Variants in NDUFS4 observed in about 807,000 individuals in gnomAD.
The protein encoded by NDUFS4 is NADH dehydrogenase [ubiquinone] iron-sulfur protein 4, mitochondrial.
Under a neutral mutation model 24.3 loss-of-function variants are expected in NDUFS4, and 28 were observed. That is an observed-to-expected ratio of 1.15 (90% CI 0.85 to 1.58). The LOEUF is 1.58. NDUFS4 is among the 40% of genes most tolerant of loss of function. NDUFS4 has a pLI of 0.00. For missense variants in NDUFS4, 223 were observed against 207.9 expected (o/e 1.07, Z -0.45); for synonymous variants, 93 against 69.7 (o/e 1.34, Z -1.67).
intron 2 of NDUFS4, among the ~76,000 whole-genome samples, chr5:53,615,129 T>G (rs1750804178): frequency 6.6e-6 from 1 of 151,966 alleles, no homozygotes; most frequent in Non-Finnish European, 1.5e-5. Flanking sequence ...TTGGGTTTTT[T>G]GTTTTGTTTT....
intron 2 of NDUFS4, among the ~76,000 whole-genome samples, chr5:53,621,265 C>T (rs542560677): frequency 6.6e-6 from 1 of 152,072 alleles, no homozygotes; most frequent in African/African-American, 2.4e-5. Context: ...CCTCAGTTTT[C>T]TTATTCTTAG....
At chr5:53,581,766 C>T (rs1749574252) in intron 1 of NDUFS4, among the ~76,000 whole-genome samples, 1 of 152,100 alleles carries the variant, frequency 6.6e-6, no homozygotes, top group African/African-American at 2.4e-5. Context: ...TCTCTTACCT[C>T]ATCATGTTTT....
At chr5:53,603,595 T>C (rs963118375) in intron 2 of NDUFS4, 65 bp downstream of exon 2, 4 of 1,250,474 alleles carry the variant, frequency 3.2e-6, no homozygotes, top group East Asian at 4.7e-5. Context: ...ACTATAGATA[T>C]TCAGTATGGT....
chr5:53,676,082 A>C (rs1214918739), intron 4 of NDUFS4, among the ~76,000 whole-genome samples: 2 of 152,190 alleles, frequency 1.3e-5, no homozygotes, highest in African/African-American at 4.8e-5. Context: ...TACTCATCTG[A>C]TATAAGGGAG....
chr5:53,664,014 T>C (rs981257900), intron 4 of NDUFS4, among the ~76,000 whole-genome samples: 1 of 152,328 alleles, frequency 6.6e-6, no homozygotes, highest in East Asian at 1.9e-4. Context: ...AAGAGCTCTT[T>C]TAGGGCAGGC....
chr5:53,585,423 G>C (rs1379300926), intron 1 of NDUFS4, among the ~76,000 whole-genome samples: 1 of 152,144 alleles, frequency 6.6e-6, no homozygotes, highest in African/African-American at 2.4e-5. Context: ...ATAACAAGCA[G>C]ACTATTTTCT....
At chr5:53,608,314 G>C (rs1374926277) in intron 2 of NDUFS4, among the ~76,000 whole-genome samples, 1 of 152,202 alleles carries the variant, frequency 6.6e-6, no homozygotes, top group Admixed American at 6.5e-5. Context: ...TGCCTCCATG[G>C]TGGTGGTTGC....
intron 1 of NDUFS4, among the ~76,000 whole-genome samples, chr5:53,600,094 G>A (rs1750263706): frequency 6.6e-6 from 1 of 151,842 alleles, no homozygotes; most frequent in South Asian, 2.1e-4. Context: ...CCACCTCCCG[G>A]GTTCAAGTGA....
intron 4 of NDUFS4, among the ~76,000 whole-genome samples, chr5:53,676,742 G>T (rs536985672): frequency 6.6e-6 from 1 of 152,148 alleles, no homozygotes; most frequent in Non-Finnish European, 1.5e-5. Context: ...TATGTTACGG[G>T]ACTCAAATTT....
intron 2 of NDUFS4, among the ~76,000 whole-genome samples, chr5:53,629,959 T>G (rs1751357069): frequency 1.3e-5 from 2 of 152,216 alleles, no homozygotes; most frequent in South Asian, 4.1e-4. Flanking sequence ...GTTGATGCAG[T>G]TTCTTCATAG....
At chr5:53,598,347 A>C (rs1050445959) in intron 1 of NDUFS4, among the ~76,000 whole-genome samples, 2 of 152,232 alleles carry the variant, frequency 1.3e-5, no homozygotes, top group South Asian at 4.1e-4. Flanking sequence ...TGGATGAAGA[A>C]AGAAAGAAAA....
chr5:53,670,378 C>G (rs1011498010), intron 4 of NDUFS4, among the ~76,000 whole-genome samples: 1 of 151,566 alleles, frequency 6.6e-6, no homozygotes, highest in Non-Finnish European at 1.5e-5. Flanking sequence ...GTGTTTAATT[C>G]GAATTTAGAT....
At chr5:53,616,478 T>C (rs1318072219) in intron 2 of NDUFS4, among the ~76,000 whole-genome samples, 1 of 152,132 alleles carries the variant, frequency 6.6e-6, no homozygotes, top group Non-Finnish European at 1.5e-5. Flanking sequence ...TTGTGCTGTG[T>C]GAATTAAGAT....
At chr5:53,650,083 G>A (rs1470559405) in intron 3 of NDUFS4, among the ~76,000 whole-genome samples, 1 of 152,144 alleles carries the variant, frequency 6.6e-6, no homozygotes, top group Non-Finnish European at 1.5e-5. Flanking sequence ...TCCAGTGATT[G>A]AAATGTTAAT....
chr5:53,639,734 T>C (rs889598284), intron 2 of NDUFS4, among the ~76,000 whole-genome samples: 3 of 152,180 alleles, frequency 2.0e-5, no homozygotes, highest in African/African-American at 7.2e-5. Flanking sequence ...ATAAAAAATA[T>C]CACAGAAGCA....
chr5:53,635,499 G>A (rs1751524528), intron 2 of NDUFS4, among the ~76,000 whole-genome samples: 1 of 152,158 alleles, frequency 6.6e-6, no homozygotes. Flanking sequence ...TAACCTGGGT[G>A]ATGGAGTGAG....
At chr5:53,570,555 A>G (rs1207661652) in intron 1 of NDUFS4, among the ~76,000 whole-genome samples, 1 of 152,008 alleles carries the variant, frequency 6.6e-6, no homozygotes, top group Admixed American at 6.6e-5. Flanking sequence ...AGCTAAGTGT[A>G]TGTTTAATTT....
chr5:53,658,509 A>C (rs1290470671), intron 3 of NDUFS4, 42 bp from the exon 4 acceptor site: 1 of 1,366,918 alleles, frequency 7.3e-7, no homozygotes, highest in South Asian at 1.2e-5. Context: ...TTCTCAGCTA[A>C]AGCTTAATGT....
intron 2 of NDUFS4, among the ~76,000 whole-genome samples, chr5:53,606,524 G>T (rs1321643457): frequency 2.0e-5 from 3 of 152,040 alleles, no homozygotes; most frequent in Admixed American, 6.5e-5. Flanking sequence ...CCGCCACCAC[G>T]CCTGGCTAGT....
Sources: allele counts gnomAD v4.1 joint callset (sites outside exome capture counted in the v4.1 genomes callset), GRCh38; gene constraint gnomAD v4.1.1; transcripts MANE v1.5; gene names NCBI Gene and HGNC (gene_info 2026-07-23, HGNC 2026-07-21).